RHOBTB3: variants seen among roughly 807,000 people sequenced by gnomAD.
RHOBTB3 encodes Rho related BTB domain containing 3.
A neutral mutation model predicts 67.2 loss-of-function variants in RHOBTB3; 47 were observed. The observed-to-expected ratio is 0.70, with a 90% CI of 0.55 to 0.89. RHOBTB3 has a LOEUF of 0.89. Among genes scored for constraint, RHOBTB3 ranks in the 40% least tolerant of loss-of-function variants. The pLI, the probability that RHOBTB3 is intolerant of heterozygous loss-of-function variation, is 0.00. For missense variants in RHOBTB3, 631 were observed against 750.0 expected (o/e 0.84, Z 1.85); for synonymous variants, 273 against 274.2 (o/e 1.00, Z 0.04).
intron 9 of RHOBTB3, among the ~76,000 whole-genome samples, chr5:95,783,305 G>A (rs1164100040): frequency 3.3e-5 from 5 of 151,066 alleles, no homozygotes; most frequent in East Asian, 1.9e-4. Context: ...TTTATTTTTA[G>A]TAGAGATGAG....
intron 6 of RHOBTB3, among the ~76,000 whole-genome samples, chr5:95,761,074 A>G (rs528151171): frequency 6.6e-6 from 1 of 152,280 alleles, no homozygotes; most frequent in East Asian, 1.9e-4. Context: ...TACTGATTCC[A>G]TCTATTTAGA....
intron 1 of RHOBTB3, among the ~76,000 whole-genome samples, chr5:95,719,433 C>A (rs1002070412): frequency 2.0e-5 from 3 of 152,144 alleles, no homozygotes; most frequent in Non-Finnish European, 4.4e-5. Context: ...AGATAAGTTA[C>A]AGCTGGGCCT....
intron 5 of RHOBTB3, among the ~76,000 whole-genome samples, chr5:95,753,882 G>A (rs1026332794): frequency 3.3e-5 from 5 of 152,146 alleles, no homozygotes; most frequent in South Asian, 4.1e-4. Context: ...GGCCAAGGTG[G>A]GCAGATCACC....
rs1263755040 is a variant in RHOBTB3, at chr5:95,732,032, A to G, written c.176A>G (p.Gln59Arg). 2.5e-6 allele frequency: 4 copies of G among 1,614,172 alleles called. No individual in the cohort carries two copies. The highest frequency in any genetic ancestry group is 3.4e-6 in the Non-Finnish European group (4 of 1,180,030). ...GCGCGTCCGGTGTTCACCGAGTATC[A>G]GGCCAGTGCGTTTGGGAATGTCAAG... is the stretch of plus-strand genomic sequence containing the variant. ...TVARPVFTEY[Q>R]ASAFGNVKLV... Residue 59 changes from glutamine (Q) to arginine (R), a missense_variant, in exon 2 of 12, where the codon CAG becomes CGG. Coordinates refer to ENST00000379982, the MANE Select transcript of RHOBTB3 (RefSeq NM_014899.4).
chr5:95,735,669 A>G (rs1038398745), intron 2 of RHOBTB3, among the ~76,000 whole-genome samples: 1 of 152,256 alleles, frequency 6.6e-6, no homozygotes, highest in Non-Finnish European at 1.5e-5. Flanking sequence ...CAAAGGCCAC[A>G]TAAAAAGACA....
intron 1 of RHOBTB3, among the ~76,000 whole-genome samples, chr5:95,720,959 C>G (rs769684955): frequency 6.6e-6 from 1 of 152,166 alleles, no homozygotes; most frequent in South Asian, 2.1e-4. Context: ...ATGGGTTCTT[C>G]TTATGATTTG....
intron 9 of RHOBTB3, 116 bp downstream of exon 9, chr5:95,780,541 G>A (rs925424851): frequency 7.0e-6 from 6 of 856,676 alleles, no homozygotes; most frequent in Non-Finnish European, 9.2e-6. Context: ...TTGACATCAC[G>A]GAATGTACTA....
intron 4 of RHOBTB3, 54 bp from the exon 5 acceptor site, chr5:95,752,185 T>G: frequency 9.3e-7 from 1 of 1,075,960 alleles, no homozygotes; most frequent in Non-Finnish European, 1.4e-6. Context: ...CAAATTTTCA[T>G]GTTGGATATA....
chr5:95,729,161 A>G (rs1329405806), upstream of RHOBTB3, among the ~76,000 whole-genome samples: 1 of 152,204 alleles, frequency 6.6e-6, no homozygotes, highest in Non-Finnish European at 1.5e-5. Flanking sequence ...AGTAGCCATT[A>G]TTTTATTCCT....
intron 2 of RHOBTB3, among the ~76,000 whole-genome samples, chr5:95,735,292 T>C (rs941457912): frequency 1.3e-5 from 2 of 151,456 alleles, no homozygotes; most frequent in Admixed American, 6.6e-5. Flanking sequence ...TTTACCTCCC[T>C]TCAAAAATAC....
chr5:95,735,082 C>T (rs899878556), intron 2 of RHOBTB3, among the ~76,000 whole-genome samples: 2 of 152,084 alleles, frequency 1.3e-5, no homozygotes, highest in Non-Finnish European at 2.9e-5. Flanking sequence ...TGAACTTGAA[C>T]GCTGTAACAG....
chr5:95,777,899 G>A (rs1469955222), intron 8 of RHOBTB3, among the ~76,000 whole-genome samples: 3 of 152,082 alleles, frequency 2.0e-5, no homozygotes, highest in Admixed American at 2.0e-4. Flanking sequence ...GGAGCATCAC[G>A]TGAAGCCAGG....
chr5:95,726,971 T>A (rs1159556635), upstream of RHOBTB3, among the ~76,000 whole-genome samples: 1 of 152,070 alleles, frequency 6.6e-6, no homozygotes, highest in Non-Finnish European at 1.5e-5. Context: ...CCCCCTTTTT[T>A]TTTTCAGTAA....
intron 11 of RHOBTB3, among the ~76,000 whole-genome samples, chr5:95,792,519 G>A (rs890258973): frequency 3.9e-5 from 6 of 151,992 alleles, no homozygotes; most frequent in Middle Eastern, 3.4e-3. Context: ...GAAGCCAGGC[G>A]TGGTGGCTCA....
chr5:95,758,391 A>G (rs1745307329), intron 6 of RHOBTB3, among the ~76,000 whole-genome samples: 1 of 152,212 alleles, frequency 6.6e-6, no homozygotes, highest in Non-Finnish European at 1.5e-5. Flanking sequence ...GTGTAATCCT[A>G]GGTATCTGCT....
In RHOBTB3 at chr5:95,763,388, T is replaced by C. The variant is rs75557065; in HGVS notation, c.1049-120T>C. The stretch of plus-strand genomic sequence containing the variant: ...ATGTTTTAGTATAGTTATAAGGATG[T>C]ATATCTGGTAAAGAAAAATTAAAGC... On this transcript the variant is annotated intron_variant, in intron 6 of 11. Transcript: ENST00000379982. The C allele has an allele frequency of 6.1e-4, 389 of 637,424 alleles. 2 individuals are homozygous for C. The East Asian group carries it at 0.01, about 17-fold the overall frequency. 39.5% of individuals were successfully genotyped at this position (637,424 alleles called of 1,614,324 possible).
intron 10 of RHOBTB3, among the ~76,000 whole-genome samples, chr5:95,788,328 G>T (rs1005911418): frequency 6.6e-6 from 1 of 152,242 alleles, no homozygotes; most frequent in South Asian, 2.1e-4. Flanking sequence ...GCCTTCGGCC[G>T]ATGGTGTTTC....
chr5:95,732,143 C>T lies in RHOBTB3; in HGVS notation c.228+59C>T, dbSNP rs762802121. ...AAGAAGCTTTTCTTTCCTTTTTTTTCCCCCTCCCCCTTCTGCCCACTTCCG... is the reference window on the plus strand; with the variant it reads ...AAGAAGCTTTTCTTTCCTTTTTTTTTCCCCTCCCCCTTCTGCCCACTTCCG... On this transcript the variant is annotated intron_variant, in intron 2 of 11. Transcript: ENST00000379982. The T allele has an allele frequency of 3.2e-5, 47 of 1,472,222 alleles. 1 individual carries two copies. Among genetic ancestry groups the T allele is most frequent in the South Asian group, 2.6e-4 (22 of 85,988 alleles). The allele number at this position is 1,472,222 out of a possible 1,614,324, so 91.2% of individuals were successfully genotyped here. A position where few individuals can be genotyped will look rare whatever the true frequency, so the allele number is the denominator to read the frequency against.
At chr5:95,719,767 G>A (rs764904528) in intron 1 of RHOBTB3, 16 of 152,142 alleles carry the variant, frequency 1.1e-4, no homozygotes, top group Admixed American at 2.0e-4. Context: ...TTCCTAAATG[G>A]CTGAACCTGC....
Sources: gnomAD v4.1 joint callset for allele counts (sites outside exome capture counted in the v4.1 genomes callset) on GRCh38, gnomAD v4.1.1 for gene constraint, MANE v1.5 for transcripts, NCBI Gene and HGNC (gene_info 2026-07-23, HGNC 2026-07-21) for gene names.